RIMS1: variants seen among roughly 807,000 people sequenced by gnomAD.
RIMS1 encodes regulating synaptic membrane exocytosis protein 1.
A neutral mutation model predicts 214.1 loss-of-function variants in RIMS1; 83 were observed. The observed-to-expected ratio is 0.39, with a 90% confidence interval of 0.32 to 0.47. RIMS1 has a LOEUF of 0.47. Ranked by LOEUF, RIMS1 falls within the 20% of genes least tolerant of loss-of-function variation. RIMS1 has a pLI of 0.99. For synonymous variants in RIMS1, 793 were observed against 786.8 expected (o/e 1.01, Z -0.13); for missense variants, 2,050 against 2,161.8 (o/e 0.95, Z 1.03).
intron 9 of RIMS1, among the ~76,000 whole-genome samples, chr6:72,241,325 C>G (rs1302440981): frequency 6.6e-6 from 1 of 152,118 alleles, no homozygotes; most frequent in Non-Finnish European, 1.5e-5. Context: ...TGAGCATCAA[C>G]AAATTAAGAC....
chr6:71,986,843 G>T lies in RIMS1; in HGVS notation c.245+17780G>T, dbSNP rs547463701. Among the ~76,000 whole-genome samples, 4 of 152,358 alleles carry T rather than the reference G, an allele frequency of 2.6e-5. No individual in the cohort carries two copies. The South Asian group carries it at 8.3e-4, about 32-fold the overall frequency. ...CCCAAGGGTGCTGCTGTGTGAGAGT[G>T]CTTTTGACTCAGTAAAAATGTCCAA... On this transcript the variant is annotated intron_variant, in intron 2 of 33. Coordinates refer to ENST00000521978, the MANE Select transcript of RIMS1 (RefSeq NM_014989.7).
chr6:72,272,975 A>G (rs987343502), intron 22 of RIMS1, among the ~76,000 whole-genome samples: 1 of 152,154 alleles, frequency 6.6e-6, no homozygotes, highest in Admixed American at 6.5e-5. Context: ...TTAATGCAAA[A>G]TGTTATTTCA....
intron 2 of RIMS1, among the ~76,000 whole-genome samples, chr6:72,025,126 A>G (rs6908411): frequency 1.3e-5 from 2 of 151,758 alleles, no homozygotes; most frequent in Non-Finnish European, 2.9e-5. Context: ...CTGGTCTCGA[A>G]CTCCTGACCT....
chr6:72,136,035 G>A (rs2041225156), intron 4 of RIMS1, among the ~76,000 whole-genome samples: 1 of 152,008 alleles, frequency 6.6e-6, no homozygotes. Flanking sequence ...GGCAATGAGA[G>A]GATAAGAATG....
chr6:72,089,386 C>T (rs1017450166), intron 2 of RIMS1, among the ~76,000 whole-genome samples: 1 of 152,052 alleles, frequency 6.6e-6, no homozygotes, highest in Non-Finnish European at 1.5e-5. Flanking sequence ...TAACACTAGC[C>T]ATTTGGACAG....
chr6:71,954,177 G>T (rs1790479108), intron 1 of RIMS1, among the ~76,000 whole-genome samples: 1 of 152,058 alleles, frequency 6.6e-6, no homozygotes, highest in South Asian at 2.1e-4. Flanking sequence ...TTTCCTTATC[G>T]TAAGATATAT....
intron 6 of RIMS1, among the ~76,000 whole-genome samples, chr6:72,223,700 C>G (rs1016504791): frequency 6.6e-6 from 1 of 152,134 alleles, no homozygotes; most frequent in East Asian, 1.9e-4. Context: ...GTAATCCCAG[C>G]ACTTTGGGAG....
rs76376649 is a variant in RIMS1 at position 72,045,914 on chromosome 6, T to A, written c.246-51035T>A. 4.5e-4 allele frequency among the ~76,000 whole-genome samples: 68 copies of A among 152,048 alleles called. No homozygotes were observed. In the East Asian group the frequency reaches 8.7e-3, roughly 19 times the overall value. On this transcript the variant is annotated intron_variant, in intron 2 of 33. Transcript: ENST00000521978. ...TAAATTGAAACCCTTTAATTTAAGA[T>A]GTTATGCTAAATTTCAGTATTGTTA... is the stretch of plus-strand genomic sequence containing the variant.
Position 72,264,994 on chromosome 6 carries a change from A to G in RIMS1, c.3136A>G (p.Lys1046Glu). The G allele has an allele frequency of 6.3e-7, 1 of 1,595,658 alleles. No individual in the cohort carries two copies. Residue 1046 changes from lysine to glutamate, a missense_variant, in exon 20 of 34, where the codon AAA (lysine) becomes GAA (glutamate). Physicochemically the swap from Lys to Glu is moderately conservative, Grantham distance 56. Coordinates refer to ENST00000521978, the MANE Select transcript of RIMS1 (RefSeq NM_014989.7). ...TTCCAGACATCTTGTTAGGCACTATAAAACATTACCTCCCAAGATGCCTTT... is the reference window on the plus strand; with the variant it reads ...TTCCAGACATCTTGTTAGGCACTATGAAACATTACCTCCCAAGATGCCTTT... ...HTTRHLVRHY[K>E]TLPPKMPLLQ...
chr6:71,931,572 T>C (rs1225295504), intron 1 of RIMS1, among the ~76,000 whole-genome samples: 1 of 152,032 alleles, frequency 6.6e-6, no homozygotes. Flanking sequence ...TTCGTGTCCT[T>C]TGCCCACTTT....
chr6:72,086,244 A>G lies in RIMS1; in HGVS notation c.246-10705A>G, dbSNP rs945427016. Among the ~76,000 whole-genome samples, 8 of 152,312 alleles carry G rather than the reference A, an allele frequency of 5.3e-5. No homozygotes were observed. The East Asian group carries it at 1.3e-3, about 26-fold the overall frequency. ...ACAAAGGCAAATGGTAGAATAATTCATATTTCTTCCAAAGGAGAGCCTGTA... is the reference window on the plus strand; with the variant it reads ...ACAAAGGCAAATGGTAGAATAATTCGTATTTCTTCCAAAGGAGAGCCTGTA... On this transcript the variant is annotated intron_variant, in intron 2 of 33. Coordinates refer to ENST00000521978, the MANE Select transcript of RIMS1 (RefSeq NM_014989.7).
chr6:72,342,884 G>A (rs1413363543), intron 29 of RIMS1, among the ~76,000 whole-genome samples: 1 of 151,768 alleles, frequency 6.6e-6, no homozygotes, highest in East Asian at 1.9e-4. Flanking sequence ...AAATACAAAG[G>A]AATATTGCAA....
chr6:72,189,599 G>T (rs2049725431), intron 6 of RIMS1, among the ~76,000 whole-genome samples: 1 of 152,216 alleles, frequency 6.6e-6, no homozygotes, highest in Non-Finnish European at 1.5e-5. Context: ...CCAAGTAGCT[G>T]GCTGATCACC....
At chr6:72,205,137 A>C (rs2052682371) in intron 6 of RIMS1, among the ~76,000 whole-genome samples, 1 of 152,116 alleles carries the variant, frequency 6.6e-6, no homozygotes, top group Non-Finnish European at 1.5e-5. Context: ...TTAATTTTTG[A>C]ACTACAAAGA....
At chr6:72,048,373 T>C (rs1823657725) in intron 2 of RIMS1, among the ~76,000 whole-genome samples, 1 of 152,194 alleles carries the variant, frequency 6.6e-6, no homozygotes, top group Non-Finnish European at 1.5e-5. Context: ...GTGTCCTTTT[T>C]GGCTAACACT....
At chr6:72,179,293 T>G (rs1487122073) in intron 4 of RIMS1, among the ~76,000 whole-genome samples, 1 of 152,088 alleles carries the variant, frequency 6.6e-6, no homozygotes, top group African/African-American at 2.4e-5. Context: ...ATAAAAAATA[T>G]GACAGATATA....
intron 29 of RIMS1, among the ~76,000 whole-genome samples, chr6:72,360,913 ATCCTCTG>A (rs955575416): frequency 2.7e-5 from 4 of 149,284 alleles, no homozygotes; most frequent in East Asian, 1.9e-4. Context: ...AGCCTTAGAA[ATCCTCTG>A]TTTAAGTGGT....
At chr6:71,991,754 A>G (rs1801618733) in intron 2 of RIMS1, among the ~76,000 whole-genome samples, 1 of 152,200 alleles carries the variant, frequency 6.6e-6, no homozygotes, top group African/African-American at 2.4e-5. Flanking sequence ...AATTACTTGT[A>G]TGTTAACCCT....
intron 2 of RIMS1, among the ~76,000 whole-genome samples, chr6:72,083,330 C>T (rs1192008845): frequency 6.6e-6 from 1 of 151,082 alleles, no homozygotes; most frequent in African/African-American, 2.4e-5. Context: ...AATCTCCTTT[C>T]TTTTTTTTTG....
Sources: allele counts gnomAD v4.1 joint callset (sites outside exome capture counted in the v4.1 genomes callset), GRCh38; gene constraint gnomAD v4.1.1; transcripts MANE v1.5; gene names NCBI Gene and HGNC (gene_info 2026-07-23, HGNC 2026-07-21).